The following EIF4E variants were observed in gnomAD, a reference collection of about 807,000 sequenced individuals.
The protein encoded by EIF4E is eukaryotic translation initiation factor 4E, also known as eIF-4F 25 kDa subunit.
For synonymous variants in EIF4E, 71 were observed against 88.5 expected (o/e 0.80, Z 1.11); for missense variants, 113 against 265.6 (o/e 0.43, Z 3.99).
intron 1 of EIF4E, chr4:98,903,503 G>A (rs1056664234): frequency 1.3e-5 from 6 of 455,156 alleles, no homozygotes; most frequent in Admixed American, 9.4e-5. Context: ...CATGATACCT[G>A]GCTAATTCTT....
intron 2 of EIF4E, among the ~76,000 whole-genome samples, chr4:98,897,738 A>G (rs893673126): frequency 1.3e-5 from 2 of 152,352 alleles, no homozygotes; most frequent in African/African-American, 4.8e-5. Context: ...CTTAAAATTT[A>G]AGCTTTCAGT....
At chr4:98,893,771 T>C (rs1323603801) in intron 2 of EIF4E, among the ~76,000 whole-genome samples, 1 of 152,262 alleles carries the variant, frequency 6.6e-6, no homozygotes, top group Non-Finnish European at 1.5e-5. Flanking sequence ...CATGTTGATA[T>C]TCTGACCTCC....
intron 2 of EIF4E, among the ~76,000 whole-genome samples, chr4:98,899,051 C>G (rs1453675931): frequency 1.3e-5 from 2 of 149,876 alleles, no homozygotes; most frequent in Non-Finnish European, 3.0e-5. Context: ...AATTAAAGAC[C>G]TCTAAAAAAA....
intron 2 of EIF4E, among the ~76,000 whole-genome samples, chr4:98,898,976 A>C (rs1724532972): frequency 1.3e-5 from 2 of 152,038 alleles, no homozygotes; most frequent in Non-Finnish European, 1.5e-5. Flanking sequence ...TGTGTGGTAA[A>C]GTTTTCCTAA....
chr4:98,890,429 T>C (rs1273814013), intron 3 of EIF4E, among the ~76,000 whole-genome samples: 2 of 152,216 alleles, frequency 1.3e-5, no homozygotes, highest in African/African-American at 2.4e-5. Context: ...CCAAGTAAAT[T>C]AGACACACTG....
intron 1 of EIF4E, among the ~76,000 whole-genome samples, chr4:98,904,735 T>C (rs1454922233): frequency 6.6e-6 from 1 of 152,142 alleles, no homozygotes; most frequent in African/African-American, 2.4e-5. Flanking sequence ...CGTGCCACTG[T>C]TCTCCAGCCT....
chr4:98,888,358 C>T (rs955306365), intron 3 of EIF4E, among the ~76,000 whole-genome samples: 7 of 151,904 alleles, frequency 4.6e-5, no homozygotes, highest in African/African-American at 1.5e-4. Context: ...AAACCAGAAA[C>T]GATGAACTTC....
Position 98,887,859 on chromosome 4 carries a change from T to G in EIF4E, c.285+30A>C. ...AATACCAAATGGCCCAGTCCTATAATAAATATATAAAATCACCAATTAAGC... is the reference window on the plus strand; with the variant it reads ...AATACCAAATGGCCCAGTCCTATAAGAAATATATAAAATCACCAATTAAGC... On this transcript the variant is annotated intron_variant, in intron 4 of 6. Transcript: ENST00000450253. This position sits in a 1 kb window ranked among gnomAD's most constrained non-coding sequence, Gnocchi z 4.0. 1 of 1,596,306 alleles carries G rather than the reference T, an allele frequency of 6.3e-7. No individual in the cohort carries two copies. Among genetic ancestry groups the G allele is most frequent in the African/African-American group, 1.3e-5 (1 of 74,426 alleles).
At chr4:98,917,582 C>T (rs1245300185) in intron 1 of EIF4E, among the ~76,000 whole-genome samples, 1 of 151,942 alleles carries the variant, frequency 6.6e-6, no homozygotes, top group Non-Finnish European at 1.5e-5. Flanking sequence ...TTTTTCAAAA[C>T]TAAACAACAC....
intron 6 of EIF4E, among the ~76,000 whole-genome samples, chr4:98,884,636 G>A (rs1723838829): frequency 6.6e-6 from 1 of 152,040 alleles, no homozygotes; most frequent in African/African-American, 2.4e-5. Context: ...CCCGGGAGGC[G>A]GAGGTTGCAG....
intron 1 of EIF4E, among the ~76,000 whole-genome samples, chr4:98,905,224 G>A (rs1406388758): frequency 1.9e-4 from 26 of 138,246 alleles, no homozygotes; most frequent in African/African-American, 8.0e-4. Flanking sequence ...GGTTCTATCA[G>A]GGAATTTAAA....
intron 2 of EIF4E, chr4:98,891,573 C>T: frequency 1.9e-6 from 1 of 519,188 alleles, no homozygotes. Context: ...CCAAAAAAGA[C>T]AAATACTGTA....
intron 1 of EIF4E, chr4:98,909,906 G>T: frequency 1.7e-6 from 1 of 574,174 alleles, no homozygotes; most frequent in African/African-American, 1.9e-5. Flanking sequence ...CATGGAGGAG[G>T]CGGCTGTCAG....
rs528963826 is a variant in EIF4E, at chr4:98,889,621, G to C, written c.221+1616C>G. The stretch of plus-strand genomic sequence containing the variant: ...TTAGGAAGTGGCCCACACATTTATA[G>C]AAAACTGAAAAATCCTTCATATCTC... On this transcript the variant is annotated intron_variant, in intron 3 of 6. Transcript: ENST00000450253. 4.6e-5 allele frequency among the ~76,000 whole-genome samples: 7 copies of C among 152,282 alleles called. 1 individual carries two copies. The highest frequency in any genetic ancestry group is 3.3e-4 in the Admixed American group (5 of 15,298).
chr4:98,898,894 A>G (rs1348702924), intron 2 of EIF4E, among the ~76,000 whole-genome samples: 1 of 152,106 alleles, frequency 6.6e-6, no homozygotes, highest in African/African-American at 2.4e-5. Context: ...CTGCTGATTT[A>G]AATAAAATAT....
intron 3 of EIF4E, chr4:98,890,935 TG>T: frequency 4.9e-6 from 2 of 405,212 alleles, no homozygotes; most frequent in Non-Finnish European, 9.0e-6. Flanking sequence ...AAATGTATCT[TG>T]GCAACCAGGA....
chr4:98,917,133 CAAAA>C (rs756226013), intron 1 of EIF4E, among the ~76,000 whole-genome samples: 6,059 of 55,228 alleles, frequency 0.11, 236 homozygotes, highest in African/African-American at 0.24. Flanking sequence ...CACACACACA[CAAAA>C]AAAACCCAAA....
intron 1 of EIF4E, chr4:98,928,854 G>A: frequency 6.5e-7 from 1 of 1,537,230 alleles, no homozygotes; most frequent in Non-Finnish European, 8.8e-7. Context: ...GCGCCACGCC[G>A]CCCCTCCCCC....
At chr4:98,888,935 T>C (rs1267948379) in intron 3 of EIF4E, among the ~76,000 whole-genome samples, 1 of 151,804 alleles carries the variant, frequency 6.6e-6, no homozygotes, top group African/African-American at 2.4e-5. Flanking sequence ...CCGAGGCAGG[T>C]GGATCATGAG....
Sources: allele counts gnomAD v4.1 joint callset (sites outside exome capture counted in the v4.1 genomes callset), GRCh38; gene constraint gnomAD v4.1.1; non-coding constraint Gnocchi (gnomAD v3.1); transcripts MANE v1.5; gene names NCBI Gene and HGNC (gene_info 2026-07-23, HGNC 2026-07-21).